MLKL: variants seen among roughly 807,000 people sequenced by gnomAD.
MLKL encodes mixed lineage kinase domain like pseudokinase.
Under a neutral mutation model 56.5 loss-of-function variants are expected in MLKL, and 55 were observed. The ratio of observed to expected loss-of-function variants is 0.97; its 90% CI spans 0.78 to 1.22. The LOEUF is 1.22. MLKL is among the 50% of genes most tolerant of loss of function. The probability of loss-of-function intolerance (pLI) is 0.00; values close to 1 mark genes in which losing one functional copy is unlikely to be tolerated. For synonymous variants in MLKL, 251 were observed against 208.3 expected (o/e 1.20, Z -1.76); for missense variants, 694 against 573.9 (o/e 1.21, Z -2.14).
rs1960960528 is a variant in MLKL at position 74,695,329 on chromosome 16, T to G, written c.429A>C (p.Glu143Asp). ...TTAGCATCTGGAAAGCTCGCCTGTC[T>G]TCGTCTGCATCCTGCTGATCTTCCT... ...WAQEDQQDAD[E>D]DRRAFQMLRR... The change falls in exon 2 of 11, where the codon GAA becomes GAC. Residue 143 changes from glutamate to aspartate, a missense_variant. By Grantham distance (45) the Glu-to-Asp change is conservative. Transcript: ENST00000308807. The G allele has an allele frequency of 6.2e-7, 1 of 1,614,024 alleles. No individual in the cohort carries two copies. Among genetic ancestry groups the G allele is most frequent in the East Asian group, 2.2e-5 (1 of 44,898 alleles).
chr16:74,691,601 T>C, intron 3 of MLKL, 138 bp from the exon 4 acceptor site: 1 of 938,504 alleles, frequency 1.1e-6, no homozygotes, highest in Non-Finnish European at 1.6e-6. Flanking sequence ...CTGGGGCTTC[T>C]GATGGACTCA....
At chr16:74,681,373 G>A (rs183690303) in intron 6 of MLKL, among the ~76,000 whole-genome samples, 4 of 152,218 alleles carry the variant, frequency 2.6e-5, no homozygotes, top group Middle Eastern at 3.4e-3. Context: ...AAAATGTTAA[G>A]TAAATAACAC....
chr16:74,685,709 A>G (rs1024395303), intron 4 of MLKL, 126 bp from the exon 5 acceptor site: 5 of 702,478 alleles, frequency 7.1e-6, no homozygotes, highest in Non-Finnish European at 1.2e-5. Context: ...AACTGGTGCC[A>G]GGATGAACTC....
At chr16:74,682,032 G>T (rs1468691235) in intron 6 of MLKL, among the ~76,000 whole-genome samples, 1 of 151,916 alleles carries the variant, frequency 6.6e-6, no homozygotes, top group East Asian at 1.9e-4. Flanking sequence ...GATTGCTTGA[G>T]CCCAGTAGTT....
In MLKL at chr16:74,675,000, C is replaced by G. The variant is rs754151136; in HGVS notation, c.1341G>C (p.Glu447Asp). The change falls in exon 10 of 11, where the codon GAG becomes GAC. Residue 447 changes from glutamate to aspartate, a missense_variant. Transcript: ENST00000308807. ...GCACAGAGGGATCATGGGCCCGGCA[C>G]TCATCAATGATCTCCCGCAGCTCTG... ...CPSELREIID[E>D]CRAHDPSVRP... is the part of the protein sequence containing the mutation. 5 of 1,614,224 alleles carry G rather than the reference C, an allele frequency of 3.1e-6. No individual in the cohort carries two copies. The South Asian group carries it at 5.5e-5, about 18-fold the overall frequency.
intron 4 of MLKL, among the ~76,000 whole-genome samples, chr16:74,690,939 G>T (rs1960632264): frequency 6.6e-6 from 1 of 151,862 alleles, no homozygotes; most frequent in South Asian, 2.1e-4. Flanking sequence ...TACCAGTTGT[G>T]AACATGAAAA....
At chr16:74,682,903 T>C (rs1333286779) in intron 5 of MLKL, 117 bp from the exon 6 acceptor site, 2 of 1,220,486 alleles carry the variant, frequency 1.6e-6, no homozygotes. Context: ...GAGTCCCATT[T>C]CTCCCCCAAT....
chr16:74,695,760 C>G lies in MLKL; in HGVS notation c.-2-1G>C, dbSNP rs774729244. On this transcript the variant is annotated splice_acceptor_variant, in intron 1 of 10. Transcript: ENST00000308807. LOFTEE classifies it low-confidence loss of function (5UTR_SPLICE). ...ATAATATGCTTCAAATTTTCCATGC[C>G]TGGAAGAAATGAATGGAATTTGGTG... 5 of 1,579,014 alleles carry G rather than the reference C, an allele frequency of 3.2e-6. No homozygotes were observed. In the East Asian group the frequency reaches 9.0e-5, roughly 28 times the overall value.
At chr16:74,672,862 G>A (rs1351068962) in intron 10 of MLKL, among the ~76,000 whole-genome samples, 1 of 152,218 alleles carries the variant, frequency 6.6e-6, no homozygotes, top group Non-Finnish European at 1.5e-5. Context: ...AGGAGAGAGT[G>A]TAGTGGAGGA....
Position 74,695,503 on chromosome 16 carries a change from G to T in MLKL, c.255C>A (p.Ile85=). The change falls in exon 2 of 11, where the codon ATC becomes ATA. Residue 85 remains isoleucine (I), a synonymous_variant. Transcript: ENST00000308807. ...EIEKFSNRSN[I]CRFLTASQDK... is the part of the protein sequence containing the mutation. ...CCTGGCTTGCTGTTAGAAACCTGCA[G>T]ATATTGGATCTATTGCTGAACTTTT... 6.2e-7 allele frequency: 1 copy of T among 1,614,190 alleles called. No homozygotes were observed. The highest frequency in any genetic ancestry group is 8.5e-7 in the Non-Finnish European group (1 of 1,180,046).
intron 6 of MLKL, among the ~76,000 whole-genome samples, chr16:74,680,632 G>T (rs189950858): frequency 1.3e-5 from 2 of 152,150 alleles, no homozygotes; most frequent in Admixed American, 6.5e-5. Context: ...TCAGCCTTAC[G>T]AGTAGCTGGG....
chr16:74,678,037 C>G (rs1482294875), intron 7 of MLKL: 1 of 152,264 alleles, frequency 6.6e-6, no homozygotes, highest in Non-Finnish European at 1.5e-5. Context: ...GGAAGGCATG[C>G]CTGCAGAGTT....
chr16:74,672,494 T>G lies in MLKL; in HGVS notation c.*10A>C, dbSNP rs376427065. The G allele has an allele frequency of 1.5e-5, 24 of 1,612,738 alleles. No individual in the cohort carries two copies. Among genetic ancestry groups the G allele is most frequent in the Non-Finnish European group, 2.0e-5 (23 of 1,178,916 alleles). ...TTGTCCAGAGACTCCTTGGTTTAGA[T>G]TTTGATACACTACTTAGAAAAGGTG... On this transcript the variant is annotated 3_prime_UTR_variant, in exon 11 of 11. Coordinates refer to ENST00000308807, the MANE Select transcript of MLKL (RefSeq NM_152649.4).
rs1960973975 is a variant in MLKL, at chr16:74,695,500, G to A, written c.258C>T (p.Cys86=). 6.2e-7 allele frequency: 1 copy of A among 1,614,136 alleles called. No individual in the cohort carries two copies. The highest frequency in any genetic ancestry group is 1.1e-5 in the South Asian group (1 of 91,082). ...TGTCCTGGCTTGCTGTTAGAAACCT[G>A]CAGATATTGGATCTATTGCTGAACT... ...IEKFSNRSNI[C]RFLTASQDKI... The change falls in exon 2 of 11, where the codon TGC becomes TGT. Residue 86 remains cysteine (C), a synonymous_variant. Coordinates refer to ENST00000308807, the MANE Select transcript of MLKL (RefSeq NM_152649.4).
At chr16:74,685,962 C>CTT (rs398029921) in intron 4 of MLKL, among the ~76,000 whole-genome samples, 10 of 142,294 alleles carry the variant, frequency 7.0e-5, no homozygotes, top group Non-Finnish European at 6.2e-5. Context: ...TGGTGTGTGT[C>CTT]TTTTTTTTTT....
At position 74,695,366 on chromosome 16, in the gene MLKL, G is replaced by A. The variant is rs1055108157; in HGVS notation, c.392C>T (p.Ala131Val). ...CTGCTGATCTTCCTGTGCCCAGGAC[G>A]CTCCTTGGCTTATGGGTGAAACAGG... ...RMPVSPISQG[A>V]SWAQEDQQDA... The change falls in exon 2 of 11, where the codon GCG (alanine) becomes GTG (valine). Residue 131 changes from alanine to valine, a missense_variant. Physicochemically the swap from Ala to Val is moderately conservative, Grantham distance 64. Transcript: ENST00000308807. 2.7e-5 allele frequency: 44 copies of A among 1,614,052 alleles called. No homozygotes were observed. In the East Asian group the frequency reaches 8.9e-4, roughly 33 times the overall value.
chr16:74,687,980 C>T (rs1246044323), intron 4 of MLKL, among the ~76,000 whole-genome samples: 1 of 152,196 alleles, frequency 6.6e-6, no homozygotes, highest in Non-Finnish European at 1.5e-5. Flanking sequence ...TGCCCGCCAC[C>T]ACACCTGGCT....
At chr16:74,687,347 A>C (rs1012117657) in intron 4 of MLKL, among the ~76,000 whole-genome samples, 1 of 152,188 alleles carries the variant, frequency 6.6e-6, no homozygotes, top group Admixed American at 6.5e-5. Context: ...TATACCATTA[A>C]GATGGTAACA....
chr16:74,685,475 G>A lies in MLKL; in HGVS notation c.820+11C>T, dbSNP rs1960267415. 6.2e-7 allele frequency: 1 copy of A among 1,605,530 alleles called. No individual in the cohort carries two copies. Among genetic ancestry groups the A allele is most frequent in the Non-Finnish European group, 8.5e-7 (1 of 1,172,542 alleles). ...ATCCAAAGCTTGACCAATCCTAGAA[G>A]CATTCCTTACCTGTTTCATCAATGC... On this transcript the variant is annotated intron_variant, in intron 5 of 10. Transcript: ENST00000308807.
Sources: gnomAD v4.1 joint callset for allele counts (sites outside exome capture counted in the v4.1 genomes callset) on GRCh38, gnomAD v4.1.1 for gene constraint, MANE v1.5 for transcripts, NCBI Gene and HGNC (gene_info 2026-07-23, HGNC 2026-07-21) for gene names.